ZMYM4: variants seen among roughly 807,000 people sequenced by gnomAD.
ZMYM4 encodes the protein zinc finger MYM-type protein 4.
ZMYM4 carries 31 observed loss-of-function variants against 183.2 expected under a neutral mutation model. The ratio of observed to expected loss-of-function variants is 0.17; its 90% confidence interval spans 0.13 to 0.23. The LOEUF is 0.23. Among genes scored for constraint, ZMYM4 ranks in the 10% least tolerant of loss-of-function variants. The pLI is 1.00. For missense variants in ZMYM4, 1,273 were observed against 1,840.3 expected (o/e 0.69, Z 5.64); for synonymous variants, 592 against 631.2 (o/e 0.94, Z 0.93).
intron 25 of ZMYM4, among the ~76,000 whole-genome samples, chr1:35,406,287 C>T (rs1347495245): frequency 6.6e-6 from 1 of 152,124 alleles, no homozygotes; most frequent in Non-Finnish European, 1.5e-5. Context: ...TCTGTCTGCT[C>T]CAAAGCTATG....
At chr1:35,368,061 G>GGCCCC (rs1558095413) in intron 5 of ZMYM4, among the ~76,000 whole-genome samples, 5 of 98,286 alleles carry the variant, frequency 5.1e-5, no homozygotes, top group Non-Finnish European at 1.0e-4. Context: ...CAAATCCAGC[G>GGCCCC]CCCCCCCCCC....
At chr1:35,309,778 T>C (rs1310496456) in intron 1 of ZMYM4, among the ~76,000 whole-genome samples, 1 of 151,694 alleles carries the variant, frequency 6.6e-6, no homozygotes, top group Non-Finnish European at 1.5e-5. Flanking sequence ...AGTAAGACTC[T>C]GTCTTAAAAA....
chr1:35,386,403 G>A (rs1328321236), intron 11 of ZMYM4, among the ~76,000 whole-genome samples: 3 of 152,152 alleles, frequency 2.0e-5, no homozygotes, highest in Non-Finnish European at 4.4e-5. Context: ...AAGCCGGCAC[G>A]TCTTACATGA....
At chr1:35,314,278 A>T (rs1320976777) in intron 1 of ZMYM4, among the ~76,000 whole-genome samples, 3 of 152,036 alleles carry the variant, frequency 2.0e-5, no homozygotes, top group Non-Finnish European at 4.4e-5. Context: ...CCCTCAAAAA[A>T]AAAATAGTTT....
In ZMYM4 at chr1:35,381,730, G is replaced by A. The variant is rs1644462050; in HGVS notation, c.1541G>A (p.Ser514Asn). 1 of 1,614,030 alleles carries A rather than the reference G, an allele frequency of 6.2e-7. No individual in the cohort carries two copies. Among genetic ancestry groups the A allele is most frequent in the African/African-American group, 1.3e-5 (1 of 74,926 alleles). ...QIEGQSKKFC[S>N]SSCITAYKQK... ...GAGGGACAGTCTAAGAAGTTTTGTA[G>A]TTCATCGTGTATCACGGCATACAAG... is the stretch of plus-strand genomic sequence containing the variant. The change falls in exon 9 of 30, where the codon AGT (serine) becomes AAT (asparagine). Residue 514 changes from serine to asparagine, a missense_variant. Around this residue, in one of 6 missense-constraint regions of ZMYM4, gnomAD observed 319 missense variants for 518.1 expected, o/e 0.62. Transcript: ENST00000314607.
intron 7 of ZMYM4, among the ~76,000 whole-genome samples, chr1:35,373,963 CTT>C (rs2148945273): frequency 6.8e-6 from 1 of 146,760 alleles, no homozygotes; most frequent in South Asian, 2.1e-4. Flanking sequence ...AAAATGAGTA[CTT>C]AGGTATATAT....
intron 16 of ZMYM4, 26 bp downstream of exon 16, chr1:35,392,378 T>C (rs1223995810): frequency 6.2e-7 from 1 of 1,606,052 alleles, no homozygotes; most frequent in South Asian, 1.1e-5. Context: ...AAAGCATTTA[T>C]CTAGCCTATT....
At chr1:35,291,587 G>A (rs186603754) in intron 1 of ZMYM4, among the ~76,000 whole-genome samples, 21 of 149,236 alleles carry the variant, frequency 1.4e-4, no homozygotes, top group South Asian at 6.3e-4. Context: ...TTTGTCTCCA[G>A]ACATAGCTAC....
intron 1 of ZMYM4, among the ~76,000 whole-genome samples, chr1:35,276,606 C>G (rs1035183883): frequency 2.6e-5 from 4 of 152,168 alleles, no homozygotes; most frequent in African/African-American, 4.8e-5. Context: ...CACCTCCCCC[C>G]ACCTTTTTTT....
intron 2 of ZMYM4, among the ~76,000 whole-genome samples, chr1:35,331,163 A>G (rs990537780): frequency 6.6e-6 from 1 of 152,200 alleles, no homozygotes; most frequent in African/African-American, 2.4e-5. Flanking sequence ...TTTGCTAAGT[A>G]TTATTTGGAT....
At chr1:35,356,427 C>T (rs2148897973) in intron 2 of ZMYM4, among the ~76,000 whole-genome samples, 1 of 152,270 alleles carries the variant, frequency 6.6e-6, no homozygotes, top group Middle Eastern at 3.4e-3. Context: ...GTAAGTTCTT[C>T]AGCATACATC....
chr1:35,319,423 A>G (rs2148806857), intron 1 of ZMYM4, among the ~76,000 whole-genome samples: 1 of 152,072 alleles, frequency 6.6e-6, no homozygotes, highest in East Asian at 1.9e-4. Context: ...GGAGTTCAAG[A>G]CCAGCCTGGG....
intron 1 of ZMYM4, among the ~76,000 whole-genome samples, chr1:35,273,254 G>A (rs150147443): frequency 3.9e-5 from 6 of 152,184 alleles, no homozygotes; most frequent in African/African-American, 1.2e-4. Flanking sequence ...ACATGAAGGC[G>A]TTACAGCAAG....
At position 35,268,949 on chromosome 1, in the gene ZMYM4, C is replaced by A; in HGVS notation, c.-98C>A. On this transcript the variant is annotated 5_prime_UTR_variant, in exon 1 of 30. Coordinates refer to ENST00000314607, the MANE Select transcript of ZMYM4 (RefSeq NM_005095.3). ...CCGGCCGGGTCCGGGGAAGCTGCCG[C>A]GAGGCGGCCGTGCCTGCAGTGTGGG... 7.7e-7 allele frequency: 1 copy of A among 1,298,620 alleles called. No individual in the cohort carries two copies. The allele number at this position is 1,298,620 out of a possible 1,614,324, so 80.4% of individuals were successfully genotyped here.
chr1:35,410,108 G>A (rs1204589301), intron 26 of ZMYM4, among the ~76,000 whole-genome samples: 2 of 152,236 alleles, frequency 1.3e-5, no homozygotes, highest in Admixed American at 6.5e-5. Context: ...TGGCAAGAGA[G>A]TGAGGACGAA....
chr1:35,396,500 AAGC>A, intron 18 of ZMYM4, 49 bp from the exon 19 acceptor site: 1 of 1,600,496 alleles, frequency 6.2e-7, no homozygotes, highest in East Asian at 2.2e-5. Context: ...AATCTTATGA[AAGC>A]ATTTCTAACC....
chr1:35,370,212 C>T (rs1281133678), intron 6 of ZMYM4, 99 bp downstream of exon 6: 2 of 1,519,738 alleles, frequency 1.3e-6, no homozygotes. Context: ...CTCTCTCTAC[C>T]CACTTAGGAT....
At chr1:35,269,145 A>G in intron 1 of ZMYM4, 60 bp downstream of exon 1, 1 of 1,537,184 alleles carries the variant, frequency 6.5e-7, no homozygotes, top group Non-Finnish European at 8.8e-7. Flanking sequence ...GGGGCCGGGA[A>G]TGGGCCATAC....
At chr1:35,413,450 G>C (rs576254110) in intron 26 of ZMYM4, among the ~76,000 whole-genome samples, 9 of 152,324 alleles carry the variant, frequency 5.9e-5, no homozygotes, top group African/African-American at 2.2e-4. Context: ...TGAGGGCTAG[G>C]TTGTGGGGCA....
Sources: gnomAD v4.1 joint callset for allele counts (sites outside exome capture counted in the v4.1 genomes callset) on GRCh38, gnomAD v4.1.1 for gene constraint, gnomAD v4.1.1 regional missense constraint, MANE v1.5 for transcripts, NCBI Gene and HGNC (gene_info 2026-07-23, HGNC 2026-07-21) for gene names.